The following RALGAPA2 variants were observed in gnomAD, a reference collection of about 807,000 sequenced individuals.
RALGAPA2 encodes ral GTPase-activating protein subunit alpha-2.
Under a neutral mutation model 230.4 loss-of-function variants are expected in RALGAPA2, and 139 were observed. That is an observed-to-expected ratio of 0.60 (90% confidence interval 0.53 to 0.69). The LOEUF (loss-of-function observed/expected upper bound fraction) is 0.69, where lower values mean the gene tolerates loss of function less well. Ranked by LOEUF, RALGAPA2 falls within the 30% of genes least tolerant of loss-of-function variation. The pLI is 0.00. For missense variants in RALGAPA2, 2,163 were observed against 2,276.0 expected, an observed-to-expected ratio of 0.95 and a Z score of 1.01; for synonymous variants, 847 against 837.8, an observed-to-expected ratio of 1.01 and a Z score of -0.19.
At chr20:20,591,976 T>C (rs1020911159) in intron 16 of RALGAPA2, among the ~76,000 whole-genome samples, 7 of 152,262 alleles carry the variant, frequency 4.6e-5, no homozygotes, top group Non-Finnish European at 7.4e-5. Flanking sequence ...TATTCCCCTA[T>C]AGAATGAGTT....
chr20:20,630,470 A>T (rs1354167291), intron 9 of RALGAPA2, among the ~76,000 whole-genome samples: 1 of 152,208 alleles, frequency 6.6e-6, no homozygotes, highest in Non-Finnish European at 1.5e-5. Flanking sequence ...GATATCCAAT[A>T]GTAATCTCTA....
At chr20:20,680,898 T>C (rs2068496262) in intron 1 of RALGAPA2, 97 bp from the exon 2 acceptor site, 9 of 1,484,112 alleles carry the variant, frequency 6.1e-6, no homozygotes, top group Middle Eastern at 1.8e-4. Context: ...TACAACTAGT[T>C]TCATTCCCTT....
chr20:20,422,469 G>A (rs1414036099), intron 37 of RALGAPA2, among the ~76,000 whole-genome samples: 1 of 152,102 alleles, frequency 6.6e-6, no homozygotes, highest in African/African-American at 2.4e-5. Context: ...TGGTCAGGAG[G>A]CTGAGGTGAG....
intron 1 of RALGAPA2, among the ~76,000 whole-genome samples, chr20:20,691,901 G>C (rs1218163359): frequency 6.6e-6 from 1 of 152,164 alleles, no homozygotes; most frequent in African/African-American, 2.4e-5. Context: ...CATGGGGGTG[G>C]ATTCCTCATG....
At chr20:20,698,684 G>GCTAC (rs1201089602) in intron 1 of RALGAPA2, among the ~76,000 whole-genome samples, 1 of 152,184 alleles carries the variant, frequency 6.6e-6, no homozygotes, top group Non-Finnish European at 1.5e-5. Context: ...ACAGGCGTGA[G>GCTAC]CTACCGTGCC....
At chr20:20,692,813 T>C (rs532921631) in intron 1 of RALGAPA2, among the ~76,000 whole-genome samples, 9 of 152,220 alleles carry the variant, frequency 5.9e-5, no homozygotes, top group Non-Finnish European at 5.9e-5. Context: ...GTGGAAAGCA[T>C]CTGGACTGTC....
chr20:20,571,939 T>C lies in RALGAPA2; in HGVS notation c.2909A>G (p.Asp970Gly), dbSNP rs766961390. The change falls in exon 22 of 40, where the codon GAT (aspartate) becomes GGT (glycine). Residue 970 changes from aspartate (D) to glycine (G), a missense_variant. Transcript: ENST00000202677. ...ELWYKLAKIR[D>G]NLAISLDNQS... ...GTTATCCAGGCTTATTGCTAGATTATCCCGTATCTAATTCACAAAGAGGAG... is the reference window on the plus strand; with the variant it reads ...GTTATCCAGGCTTATTGCTAGATTACCCCGTATCTAATTCACAAAGAGGAG... 12 of 1,603,004 alleles carry C rather than the reference T, an allele frequency of 7.5e-6. No homozygotes were observed. In the South Asian group the frequency reaches 1.3e-4, roughly 18 times the overall value.
rs763069215 is a variant in RALGAPA2 at position 20,619,393 on chromosome 20, G to A, written c.1423C>T (p.His475Tyr). 1 of 1,603,544 alleles carries A rather than the reference G, an allele frequency of 6.2e-7. No homozygotes were observed. Among genetic ancestry groups the A allele is most frequent in the African/African-American group, 1.3e-5 (1 of 74,802 alleles). The change falls in exon 12 of 40, where the codon CAT (histidine) becomes TAT (tyrosine). Residue 475 changes from histidine to tyrosine, a missense_variant. By Grantham distance (83) the His-to-Tyr change is moderately conservative. Coordinates refer to ENST00000202677, the MANE Select transcript of RALGAPA2 (RefSeq NM_020343.4). ...SKEASSESSG[H>Y]KRSSSWGRTY... ...CGTCCCCAACTGGAAGATCGTTTAT[G>A]ACCAGAACTTTCAGATGAGGCCTTC...
intron 30 of RALGAPA2, among the ~76,000 whole-genome samples, chr20:20,523,679 T>G (rs1292239983): frequency 6.6e-6 from 1 of 152,182 alleles, no homozygotes; most frequent in Admixed American, 6.5e-5. Flanking sequence ...AATTATCAAA[T>G]GTACCCTGAA....
chr20:20,613,253 C>T (rs534117515), intron 13 of RALGAPA2, among the ~76,000 whole-genome samples: 1 of 152,234 alleles, frequency 6.6e-6, no homozygotes, highest in Non-Finnish European at 1.5e-5. Context: ...TAATAAACTT[C>T]TGTTGGAGCA....
intron 20 of RALGAPA2, among the ~76,000 whole-genome samples, chr20:20,581,008 A>G (rs979135061): frequency 1.3e-5 from 2 of 152,182 alleles, no homozygotes; most frequent in East Asian, 3.9e-4. Flanking sequence ...TAAATTCAGA[A>G]CTGTGATAAT....
chr20:20,676,738 C>T (rs1273011833), intron 2 of RALGAPA2, among the ~76,000 whole-genome samples: 1 of 152,178 alleles, frequency 6.6e-6, no homozygotes, highest in African/African-American at 2.4e-5. Flanking sequence ...ATAAAACCTA[C>T]AACACCTGCA....
chr20:20,630,410 T>C (rs1185377962), intron 9 of RALGAPA2, among the ~76,000 whole-genome samples: 1 of 152,180 alleles, frequency 6.6e-6, no homozygotes, highest in African/African-American at 2.4e-5. Context: ...ATATGAATAG[T>C]ACAAAACAGT....
chr20:20,648,980 G>A (rs1165309094), intron 4 of RALGAPA2, among the ~76,000 whole-genome samples: 3 of 152,156 alleles, frequency 2.0e-5, no homozygotes, highest in African/African-American at 4.8e-5. Context: ...ATTGTTTAAC[G>A]CAAGAAGAGG....
intron 1 of RALGAPA2, among the ~76,000 whole-genome samples, chr20:20,690,971 C>T (rs1477866028): frequency 6.6e-6 from 1 of 152,166 alleles, no homozygotes; most frequent in Non-Finnish European, 1.5e-5. Context: ...TGTCTTCACT[C>T]CTGGTGGTTT....
intron 27 of RALGAPA2, among the ~76,000 whole-genome samples, chr20:20,527,796 T>C (rs942628093): frequency 6.6e-6 from 1 of 152,140 alleles, no homozygotes; most frequent in African/African-American, 2.4e-5. Context: ...GTGGTGTGCC[T>C]AAGGTGAAGA....
intron 14 of RALGAPA2, among the ~76,000 whole-genome samples, chr20:20,607,987 C>T (rs2065871565): frequency 6.6e-6 from 1 of 152,114 alleles, no homozygotes; most frequent in Non-Finnish European, 1.5e-5. Flanking sequence ...AATCAATTAC[C>T]ATTTTCTAAA....
At chr20:20,605,877 T>C (rs147926095) in intron 14 of RALGAPA2, among the ~76,000 whole-genome samples, 229 of 152,244 alleles carry the variant, frequency 1.5e-3, no homozygotes, top group African/African-American at 5.3e-3. Context: ...CCTCTGCCCA[T>C]GGACTCACAT....
chr20:20,404,973 G>A (rs1346081959), intron 38 of RALGAPA2, among the ~76,000 whole-genome samples: 4 of 152,176 alleles, frequency 2.6e-5, no homozygotes, highest in Non-Finnish European at 4.4e-5. Context: ...CACTGTCCCC[G>A]CAGTGGCTCT....
Sources: allele counts gnomAD v4.1 joint callset (sites outside exome capture counted in the v4.1 genomes callset), GRCh38; gene constraint gnomAD v4.1.1; transcripts MANE v1.5; gene names NCBI Gene and HGNC (gene_info 2026-07-23, HGNC 2026-07-21).